The following ANKRD62 variants were observed in gnomAD, a reference collection of about 807,000 sequenced individuals.
ANKRD62 encodes the protein ankyrin repeat domain-containing protein 62.
ANKRD62 carries 61 observed loss-of-function variants against 98.8 expected under a neutral mutation model. That is an observed-to-expected ratio of 0.62 (90% CI 0.50 to 0.76). The LOEUF is 0.76. Ranked by LOEUF, ANKRD62 falls within the 30% of genes least tolerant of loss-of-function variation. The pLI, the probability that ANKRD62 is intolerant of heterozygous loss-of-function variation, is 0.00. For synonymous variants in ANKRD62, 341 were observed against 367.9 expected (o/e 0.93, Z 0.84); for missense variants, 933 against 1,082.9 (o/e 0.86, Z 1.94).
the ANKRD62 span, among the ~76,000 whole-genome samples, chr18:12,171,247 C>A: frequency 6.6e-6 from 1 of 152,184 alleles, no homozygotes; most frequent in Non-Finnish European, 1.5e-5. Flanking sequence ...GGTCTTTTTA[C>A]TTTGGCATGT....
At chr18:12,169,498 G>T in the ANKRD62 span, among the ~76,000 whole-genome samples, 1 of 152,176 alleles carries the variant, frequency 6.6e-6, no homozygotes, top group Non-Finnish European at 1.5e-5. Context: ...GATCTTGGTG[G>T]ATAAACTTTT....
At chr18:12,096,574 G>A (rs1909187416) in intron 4 of ANKRD62, among the ~76,000 whole-genome samples, 1 of 152,144 alleles carries the variant, frequency 6.6e-6, no homozygotes, top group South Asian at 2.1e-4. Context: ...TAACTAAAGG[G>A]ATGTCATATT....
the ANKRD62 span, among the ~76,000 whole-genome samples, chr18:12,137,578 G>A: frequency 0.011 from 1,613 of 152,242 alleles, 38 homozygotes; most frequent in African/African-American, 0.037. Context: ...GAGTTAGGGA[G>A]GATTCCCTCT....
the ANKRD62 span, among the ~76,000 whole-genome samples, chr18:12,174,563 A>C: frequency 6.6e-6 from 1 of 152,184 alleles, no homozygotes; most frequent in African/African-American, 2.4e-5. Flanking sequence ...ATTTGGAGGA[A>C]AGAAGGCACT....
At position 12,115,543 on chromosome 18, in the gene ANKRD62, A is replaced by G; in HGVS notation, c.1240+9A>G. On this transcript the variant is annotated intron_variant, in intron 10 of 13. Coordinates refer to ENST00000587848, the MANE Select transcript of ANKRD62 (RefSeq NM_001277333.2). ...TGGAATGGAGTGTAAAGGTAGGACCAATGCATAAATATAAGGCTCTTTCCC... is the reference window on the plus strand; with the variant it reads ...TGGAATGGAGTGTAAAGGTAGGACCGATGCATAAATATAAGGCTCTTTCCC... 2.6e-6 allele frequency: 4 copies of G among 1,530,840 alleles called. No homozygotes were observed. The highest frequency in any genetic ancestry group is 3.5e-6 in the Non-Finnish European group (4 of 1,143,090). 94.8% of individuals were successfully genotyped at this position (1,530,840 alleles called of 1,614,324 possible).
the ANKRD62 span, among the ~76,000 whole-genome samples, chr18:12,168,512 T>A: frequency 6.6e-6 from 1 of 152,122 alleles, no homozygotes; most frequent in South Asian, 2.1e-4. Context: ...TTTGGTACCA[T>A]TACCATGCTG....
chr18:12,093,874 G>A lies in ANKRD62; in HGVS notation c.-144G>A. On this transcript the variant is annotated 5_prime_UTR_variant, in exon 1 of 14. Coordinates refer to ENST00000587848, the MANE Select transcript of ANKRD62 (RefSeq NM_001277333.2). ...GCTGGGCTAGGTGCTCCTCCGAGCA[G>A]CTGGAGACTGGAGTGTCCCTGACGG... The A allele has an allele frequency of 1.3e-6, 1 of 741,200 alleles. No homozygotes were observed. The highest frequency in any genetic ancestry group is 2.2e-6 in the Non-Finnish European group (1 of 444,954). The allele number at this position is 741,200 out of a possible 1,614,324, so 45.9% of individuals were successfully genotyped here. A position where few individuals can be genotyped will look rare whatever the true frequency, so the allele number is the denominator to read the frequency against.
intron 8 of ANKRD62, among the ~76,000 whole-genome samples, chr18:12,113,648 A>G (rs57544297): frequency 3.3e-4 from 50 of 152,246 alleles, no homozygotes; most frequent in African/African-American, 1.2e-3. Flanking sequence ...TACAAAAATA[A>G]CAGATGCTTG....
the ANKRD62 span, among the ~76,000 whole-genome samples, chr18:12,136,584 G>A: frequency 1.1e-4 from 17 of 152,306 alleles, no homozygotes; most frequent in East Asian, 2.9e-3. Context: ...TGTGAAGAAA[G>A]TCATTGGTAG....
intron 7 of ANKRD62, among the ~76,000 whole-genome samples, chr18:12,105,229 C>T (rs1909387422): frequency 6.6e-6 from 1 of 152,162 alleles, no homozygotes. Flanking sequence ...AAAACCAATT[C>T]AAAACTTGTT....
the ANKRD62 span, among the ~76,000 whole-genome samples, chr18:12,150,417 C>G: frequency 6.6e-6 from 1 of 152,130 alleles, no homozygotes; most frequent in African/African-American, 2.4e-5. Flanking sequence ...CCCAAACTTG[C>G]TAGAGAATCA....
At chr18:12,158,553 T>C in the ANKRD62 span, among the ~76,000 whole-genome samples, 1 of 151,944 alleles carries the variant, frequency 6.6e-6, no homozygotes, top group African/African-American at 2.4e-5. Context: ...TGAGACGGAG[T>C]CTCGCTGTGT....
the ANKRD62 span, among the ~76,000 whole-genome samples, chr18:12,167,029 C>G: frequency 6.6e-6 from 1 of 151,672 alleles, no homozygotes; most frequent in Non-Finnish European, 1.5e-5. Context: ...CAGCTTCATC[C>G]ATGCCACCAC....
chr18:12,103,088 T>C, intron 6 of ANKRD62, 70 bp from the exon 7 acceptor site: 1 of 1,088,860 alleles, frequency 9.2e-7, no homozygotes, highest in South Asian at 3.2e-5. Flanking sequence ...TCTATTTTTA[T>C]AAAGACTAAA....
chr18:12,122,541 A>G, intron 11 of ANKRD62, 25 bp downstream of exon 11: 1 of 1,486,476 alleles, frequency 6.7e-7, no homozygotes, highest in Admixed American at 2.4e-5. Context: ...TTTTAAAGAA[A>G]TATTTCAACT....
At chr18:12,138,941 G>T in the ANKRD62 span, among the ~76,000 whole-genome samples, 2 of 152,072 alleles carry the variant, frequency 1.3e-5, no homozygotes, top group South Asian at 4.1e-4. Flanking sequence ...GTGTGTCTCT[G>T]CACGTGAGAT....
At chr18:12,163,295 T>C in the ANKRD62 span, among the ~76,000 whole-genome samples, 1 of 152,118 alleles carries the variant, frequency 6.6e-6, no homozygotes, top group Non-Finnish European at 1.5e-5. Context: ...TGGTTTCTTT[T>C]TCAGATTGTT....
downstream of ANKRD62, among the ~76,000 whole-genome samples, chr18:12,130,838 C>T (rs572070216): frequency 2.0e-4 from 30 of 152,082 alleles, no homozygotes; most frequent in South Asian, 4.4e-3. Context: ...ACTACAGGTG[C>T]GTGCAGCCAC....
the ANKRD62 span, among the ~76,000 whole-genome samples, chr18:12,139,509 G>A: frequency 6.6e-6 from 1 of 152,044 alleles, no homozygotes; most frequent in Non-Finnish European, 1.5e-5. Flanking sequence ...AGCCGGACGT[G>A]GTGGCAGGCA....
Sources: gnomAD v4.1 joint callset for allele counts (sites outside exome capture counted in the v4.1 genomes callset) on GRCh38, gnomAD v4.1.1 for gene constraint, MANE v1.5 for transcripts, NCBI Gene and HGNC (gene_info 2026-07-23, HGNC 2026-07-21) for gene names.